Variants in KHDRBS2 observed in about 807,000 individuals in gnomAD.
KHDRBS2 encodes KH RNA binding domain containing, signal transduction associated 2, also known as KH domain-containing, RNA-binding, signal transduction-associated protein 2.
KHDRBS2 carries 26 observed loss-of-function variants against 44.3 expected under a neutral mutation model. The ratio of observed to expected loss-of-function variants is 0.59; its 90% confidence interval spans 0.43 to 0.81. KHDRBS2 has a LOEUF of 0.81. Ranked by LOEUF, KHDRBS2 falls within the 40% of genes least tolerant of loss-of-function variation. The pLI is 0.00. For synonymous variants in KHDRBS2, 194 were observed against 151.1 expected (o/e 1.28, Z -2.08); for missense variants, 476 against 433.1 (o/e 1.10, Z -0.88).
chr6:62,127,817 G>A (rs1398333372), intron 2 of KHDRBS2, among the ~76,000 whole-genome samples: 1 of 151,956 alleles, frequency 6.6e-6, no homozygotes, highest in African/African-American at 2.4e-5. Flanking sequence ...CAACATTCTG[G>A]TTATGATTTT....
At chr6:62,104,528 A>G (rs1175111120) in intron 2 of KHDRBS2, among the ~76,000 whole-genome samples, 5 of 152,238 alleles carry the variant, frequency 3.3e-5, no homozygotes, top group South Asian at 2.1e-4. Flanking sequence ...TGAAAAGTAT[A>G]TAATACATTT....
intron 1 of KHDRBS2, among the ~76,000 whole-genome samples, chr6:62,209,776 C>T (rs570427892): frequency 2.6e-5 from 4 of 152,162 alleles, no homozygotes; most frequent in African/African-American, 9.7e-5. Context: ...CTTGCTGAGT[C>T]TTCCAGCCTT....
chr6:61,835,371 C>A (rs901416084), intron 6 of KHDRBS2, among the ~76,000 whole-genome samples: 2 of 151,992 alleles, frequency 1.3e-5, no homozygotes, highest in Non-Finnish European at 2.9e-5. Flanking sequence ...GTCAGAGGGT[C>A]TTTTACTAAT....
chr6:61,626,375 T>C, the KHDRBS2 span, among the ~76,000 whole-genome samples: 2 of 152,330 alleles, frequency 1.3e-5, no homozygotes, highest in Non-Finnish European at 2.9e-5. Context: ...AAAACTGCAG[T>C]ATTCTGTGAC....
At chr6:61,871,637 T>G (rs1798675178) in intron 6 of KHDRBS2, among the ~76,000 whole-genome samples, 1 of 152,148 alleles carries the variant, frequency 6.6e-6, no homozygotes, top group African/African-American at 2.4e-5. Context: ...GGGAAACTCA[T>G]CAGACTAACA....
In KHDRBS2 at chr6:62,047,963, C is replaced by T; in HGVS notation, c.251G>A (p.Arg84Lys). 6.2e-7 allele frequency: 1 copy of T among 1,610,882 alleles called. No homozygotes were observed. Residue 84 changes from arginine to lysine, a missense_variant, in exon 3 of 9, where the codon AGA becomes AAA. Arg to Lys is a conservative substitution (Grantham distance 26). Coordinates refer to ENST00000281156, the MANE Select transcript of KHDRBS2 (RefSeq NM_152688.4). ...FNFVGKLLGP[R>K]GNSLKRLQEE... ...CTGTAGCCTCTTCAAGGAGTTTCCT[C>T]TTGGTCCAAGCAATTTCCCCACAAA...
intron 7 of KHDRBS2, among the ~76,000 whole-genome samples, chr6:61,703,572 G>C (rs1769019904): frequency 6.6e-6 from 1 of 151,722 alleles, no homozygotes; most frequent in Non-Finnish European, 1.5e-5. Context: ...TTTTCAGCCA[G>C]GTCCCCATCC....
chr6:61,655,152 G>C, the KHDRBS2 span, among the ~76,000 whole-genome samples: 4 of 151,332 alleles, frequency 2.6e-5, no homozygotes, highest in Non-Finnish European at 4.4e-5. Context: ...AGAAATCCCA[G>C]GACTATCCTG....
the KHDRBS2 span, among the ~76,000 whole-genome samples, chr6:61,629,958 C>T: frequency 6.6e-5 from 10 of 152,280 alleles, no homozygotes; most frequent in Middle Eastern, 3.4e-3. Flanking sequence ...TATTCCTACA[C>T]CTGAGCTAAT....
chr6:61,593,006 A>G, the KHDRBS2 span, among the ~76,000 whole-genome samples: 2 of 152,196 alleles, frequency 1.3e-5, no homozygotes, highest in African/African-American at 4.8e-5. Context: ...CTTTAAGGGG[A>G]ATTTCTATAG....
intron 1 of KHDRBS2, among the ~76,000 whole-genome samples, chr6:62,255,592 C>T: frequency 6.9e-6 from 1 of 144,480 alleles, no homozygotes; most frequent in Non-Finnish European, 1.5e-5. Context: ...TACCCTCATT[C>T]CTCATGCTTT....
chr6:61,899,361 G>T (rs1931812), intron 5 of KHDRBS2, among the ~76,000 whole-genome samples: 1 of 151,542 alleles, frequency 6.6e-6, no homozygotes, highest in Admixed American at 6.6e-5. Context: ...ATTTCCTTTC[G>T]TTAATGCTAG....
chr6:61,897,513 G>A (rs1430475869), intron 5 of KHDRBS2, among the ~76,000 whole-genome samples: 2 of 152,034 alleles, frequency 1.3e-5, no homozygotes, highest in Admixed American at 6.6e-5. Context: ...TTTCTCACCA[G>A]GCTAGACACC....
At chr6:61,595,306 T>G in the KHDRBS2 span, among the ~76,000 whole-genome samples, 1 of 152,096 alleles carries the variant, frequency 6.6e-6, no homozygotes, top group African/African-American at 2.4e-5. Context: ...CAACCAAGAT[T>G]TAGAAACAAC....
At position 61,759,481 on chromosome 6, in the gene KHDRBS2, A is replaced by C. The variant is rs1364006330; in HGVS notation, c.811-26717T>G. Among the ~76,000 whole-genome samples, 29 of 152,148 alleles carry C rather than the reference A, an allele frequency of 1.9e-4. 1 individual carries two copies. Among genetic ancestry groups the C allele is most frequent in the Admixed American group, 1.8e-3 (27 of 15,270 alleles). On this transcript the variant is annotated intron_variant, in intron 6 of 8. Transcript: ENST00000281156. ...TCTCATAATTTAAAACATTATGAAG[A>C]TACTATTAAAATAGACTTACTGATT...
chr6:61,946,600 G>A (rs1271160581), intron 4 of KHDRBS2, among the ~76,000 whole-genome samples: 1 of 152,144 alleles, frequency 6.6e-6, no homozygotes, highest in Non-Finnish European at 1.5e-5. Context: ...TTTTAATGGA[G>A]GGGCTATTTG....
chr6:61,570,754 G>C, the KHDRBS2 span, among the ~76,000 whole-genome samples: 10 of 152,218 alleles, frequency 6.6e-5, no homozygotes, highest in Admixed American at 5.2e-4. Context: ...GAAGGGATTG[G>C]GGTCCCATCT....
the KHDRBS2 span, among the ~76,000 whole-genome samples, chr6:61,601,159 C>T: frequency 2.0e-5 from 3 of 152,078 alleles, no homozygotes; most frequent in African/African-American, 4.8e-5. Context: ...GGCTGCTCAC[C>T]CAACCCTTTC....
intron 6 of KHDRBS2, among the ~76,000 whole-genome samples, chr6:61,809,030 G>A (rs1787662567): frequency 6.6e-6 from 1 of 151,574 alleles, no homozygotes; most frequent in South Asian, 2.1e-4. Flanking sequence ...CTATAATAAT[G>A]ATTTTCTGAA....
Sources: allele counts gnomAD v4.1 joint callset (sites outside exome capture counted in the v4.1 genomes callset), GRCh38; gene constraint gnomAD v4.1.1; transcripts MANE v1.5; gene names NCBI Gene and HGNC (gene_info 2026-07-23, HGNC 2026-07-21).